Variants in MPP7 observed in about 807,000 individuals in gnomAD.
MPP7 encodes MAGUK p55 subfamily member 7.
A neutral mutation model predicts 76.5 loss-of-function variants in MPP7; 60 were observed. That is an observed-to-expected ratio of 0.78 (90% CI 0.64 to 0.97). The LOEUF (loss-of-function observed/expected upper bound fraction) is 0.97. Among genes scored for constraint, MPP7 ranks in the 50% least tolerant of loss-of-function variants. The probability of loss-of-function intolerance (pLI) is 0.00; values close to 1 mark genes in which losing one functional copy is unlikely to be tolerated. For missense variants in MPP7, 641 were observed against 694.0 expected (o/e 0.92, Z 0.86); for synonymous variants, 237 against 244.5 (o/e 0.97, Z 0.29).
At chr10:28,176,403 A>C (rs6481510) in intron 3 of MPP7, among the ~76,000 whole-genome samples, 139,219 of 152,104 alleles carry the variant, frequency 0.92, 63,813 homozygotes, top group African/African-American at 0.96. Flanking sequence ...GGCACTCCCA[A>C]TGGCCAAAGC....
At chr10:28,277,399 T>A (rs1055867626) in intron 1 of MPP7, among the ~76,000 whole-genome samples, 4 of 151,814 alleles carry the variant, frequency 2.6e-5, no homozygotes, top group Non-Finnish European at 5.9e-5. Context: ...ATAAATTTTT[T>A]AAAAAATTAA....
In MPP7 at chr10:28,143,371, T is replaced by C. The variant is rs529981342; in HGVS notation, c.315+4112A>G. Among the ~76,000 whole-genome samples the C allele has an allele frequency of 3.0e-4, 45 of 152,292 alleles. No homozygotes were observed. In the South Asian group the frequency reaches 7.3e-3, roughly 25 times the overall value. ...GAATGAAAAATACAATTACGTATTA[T>C]CAAAAAAGAATATTTCTGTTTCCTT... On this transcript the variant is annotated intron_variant, in intron 5 of 16. Transcript: ENST00000683449.
chr10:28,222,361 G>A (rs1364923211), intron 2 of MPP7, among the ~76,000 whole-genome samples: 1 of 152,072 alleles, frequency 6.6e-6, no homozygotes, highest in Admixed American at 6.6e-5. Context: ...GCCAGGTGTA[G>A]TGGTATGTGC....
chr10:28,311,136 T>C (rs1841287475), intron 2 of MPP7, among the ~76,000 whole-genome samples: 1 of 152,226 alleles, frequency 6.6e-6, no homozygotes, highest in Non-Finnish European at 1.5e-5. Flanking sequence ...CATCAACCAG[T>C]TGTACCTGAG....
At chr10:28,210,265 T>C (rs1838087886) in intron 2 of MPP7, among the ~76,000 whole-genome samples, 1 of 151,836 alleles carries the variant, frequency 6.6e-6, no homozygotes, top group Non-Finnish European at 1.5e-5. Flanking sequence ...CACACCTATA[T>C]AAGTCAGTTG....
At chr10:28,204,690 T>C (rs1189613230) in intron 2 of MPP7, among the ~76,000 whole-genome samples, 1 of 152,192 alleles carries the variant, frequency 6.6e-6, no homozygotes, top group African/African-American at 2.4e-5. Context: ...AAAAAAATTA[T>C]GGCAAACACG....
At chr10:28,321,579 T>C (rs371896484) in intron 2 of MPP7, among the ~76,000 whole-genome samples, 19 of 152,192 alleles carry the variant, frequency 1.2e-4, no homozygotes, top group Admixed American at 4.6e-4. Context: ...TATTTTTTAA[T>C]AGAAATTTTT....
intron 15 of MPP7, chr10:28,057,805 T>C (rs1291392360): frequency 1.6e-6 from 2 of 1,286,640 alleles, no homozygotes; most frequent in Admixed American, 4.6e-5. Context: ...TTGGAGGTTT[T>C]GCACCCCAGG....
chr10:28,119,863 G>C, intron 10 of MPP7, 148 bp from the exon 11 acceptor site: 1 of 636,092 alleles, frequency 1.6e-6, no homozygotes, highest in East Asian at 3.0e-5. Context: ...GAAACAAATC[G>C]CCCACTTTCA....
intron 1 of MPP7, among the ~76,000 whole-genome samples, chr10:28,249,400 C>A (rs1397527966): frequency 6.6e-6 from 1 of 152,212 alleles, no homozygotes; most frequent in African/African-American, 2.4e-5. Flanking sequence ...ACCAGCCTGA[C>A]CAACATGGCG....
chr10:28,099,576 G>C (rs763951199), intron 11 of MPP7, among the ~76,000 whole-genome samples: 4 of 152,066 alleles, frequency 2.6e-5, no homozygotes, highest in Non-Finnish European at 5.9e-5. Flanking sequence ...AGGCCGAGGC[G>C]GGTGGATCAC....
intron 2 of MPP7, among the ~76,000 whole-genome samples, chr10:28,212,976 G>A (rs1334352268): frequency 6.6e-6 from 1 of 152,086 alleles, no homozygotes; most frequent in Non-Finnish European, 1.5e-5. Flanking sequence ...GTCTTGCTCT[G>A]CCACTCAGGC....
intron 1 of MPP7, among the ~76,000 whole-genome samples, chr10:28,299,943 T>C (rs1276122679): frequency 6.6e-6 from 1 of 151,788 alleles, no homozygotes; most frequent in African/African-American, 2.4e-5. Flanking sequence ...ATTTTTTCTA[T>C]TTTTTAGTAG....
At chr10:28,320,472 G>A (rs577362903) in intron 2 of MPP7, among the ~76,000 whole-genome samples, 2 of 151,952 alleles carry the variant, frequency 1.3e-5, no homozygotes, top group East Asian at 3.9e-4. Context: ...AAAAAAGAGA[G>A]ACTATTTCCA....
chr10:28,259,574 G>C (rs985255335), intron 1 of MPP7, among the ~76,000 whole-genome samples: 16 of 140,410 alleles, frequency 1.1e-4, no homozygotes, highest in Non-Finnish European at 2.2e-4. Flanking sequence ...GTGACAGAGA[G>C]AGACTCCATC....
intron 2 of MPP7, among the ~76,000 whole-genome samples, chr10:28,320,840 T>TTG (rs1256693136): frequency 1.3e-5 from 2 of 152,070 alleles, no homozygotes; most frequent in African/African-American, 2.4e-5. Flanking sequence ...TTGTTTTTTT[T>TTG]TTGTTCCTCT....
chr10:28,296,814 T>C (rs1457985037), intron 1 of MPP7, among the ~76,000 whole-genome samples: 1 of 152,166 alleles, frequency 6.6e-6, no homozygotes, highest in Non-Finnish European at 1.5e-5. Flanking sequence ...TTTACTTAAG[T>C]ATCTGTTCAT....
At chr10:28,320,592 G>A (rs968511736) in intron 2 of MPP7, among the ~76,000 whole-genome samples, 6 of 151,996 alleles carry the variant, frequency 3.9e-5, no homozygotes, top group Non-Finnish European at 8.8e-5. Context: ...CGAAGTGACC[G>A]AGTACTTATC....
intron 1 of MPP7, among the ~76,000 whole-genome samples, chr10:28,243,933 A>G (rs1839352065): frequency 6.6e-6 from 1 of 152,250 alleles, no homozygotes; most frequent in Non-Finnish European, 1.5e-5. Context: ...TATAACCCAC[A>G]TAATCAAAAC....
Sources: allele counts gnomAD v4.1 joint callset (sites outside exome capture counted in the v4.1 genomes callset), GRCh38; gene constraint gnomAD v4.1.1; transcripts MANE v1.5; gene names NCBI Gene and HGNC (gene_info 2026-07-23, HGNC 2026-07-21).